The following PTGR2 variants were observed in gnomAD, a reference collection of about 807,000 sequenced individuals.
The protein encoded by PTGR2 is prostaglandin reductase 2, also known as 15-oxoprostaglandin 13-reductase.
Under a neutral mutation model 43.4 loss-of-function variants are expected in PTGR2, and 32 were observed. The ratio of observed to expected loss-of-function variants is 0.74; its 90% CI spans 0.56 to 0.99. The LOEUF (loss-of-function observed/expected upper bound fraction) is 0.99. PTGR2 is among the 50% of genes least tolerant of loss of function. PTGR2 has a pLI of 0.00. For missense variants in PTGR2, 373 were observed against 420.0 expected, an observed-to-expected ratio of 0.89 and a Z score of 0.98; for synonymous variants, 106 against 139.2, an observed-to-expected ratio of 0.76 and a Z score of 1.68.
chr14:73,858,674 ACT>A (rs1491075347), intron 1 of PTGR2, 140 bp from the exon 2 acceptor site: 3 of 423,316 alleles, frequency 7.1e-6, no homozygotes, highest in Admixed American at 3.7e-5. Flanking sequence ...TAGGAGGCAA[ACT>A]CTGACAGGCG....
intron 1 of PTGR2, chr14:73,858,299 A>G (rs1203133079): frequency 1.7e-5 from 2 of 119,368 alleles, no homozygotes; most frequent in African/African-American, 5.7e-5. Context: ...TCATGCCTGT[A>G]ATCCCAACAC....
rs1372978492 is a variant in PTGR2, at chr14:73,857,669, T to TTTTTTTTTG, written c.-47-1139_-47-1138insGTTTTTTTT. On this transcript the variant is annotated intron_variant, in intron 1 of 9. Transcript: ENST00000555661. ...ATGTCAATTAAGCAGTTAGTGTTTT[T>TTTTTTTTTG]TTTTTTTTTTTTTTTTTGAGACAGA... is the stretch of plus-strand genomic sequence containing the variant. Among the ~76,000 whole-genome samples, 8 of 114,160 alleles carry TTTTTTTTTG rather than the reference T, an allele frequency of 7.0e-5. 1 individual carries two copies. The highest frequency in any genetic ancestry group is 1.9e-4 in the African/African-American group (6 of 31,346). 74.9% of individuals were successfully genotyped at this position (114,160 alleles called of 152,430 possible).
rs1331137870 is a variant in PTGR2, at chr14:73,884,312, AG to A, written c.*138del. On this transcript the variant is annotated 3_prime_UTR_variant, in exon 10 of 10. Transcript: ENST00000555661. ...TCATAGGTGTTATTTTTAGTTGCATAGGGTATTTGATACAATCATTAATGGA... is the reference window on the plus strand; with the variant it reads ...TCATAGGTGTTATTTTTAGTTGCATAGGTATTTGATACAATCATTAATGGA... 3 of 582,958 alleles carry A rather than the reference AG, an allele frequency of 5.1e-6. No individual in the cohort carries two copies. Among genetic ancestry groups the A allele is most frequent in the Non-Finnish European group, 8.9e-6 (3 of 338,520 alleles). 36.1% of individuals were successfully genotyped at this position (582,958 alleles called of 1,614,324 possible). A position where few individuals can be genotyped will look rare whatever the true frequency, so the allele number is the denominator to read the frequency against.
chr14:73,857,664 G>T (rs76007397), intron 1 of PTGR2, among the ~76,000 whole-genome samples: 19 of 64,704 alleles, frequency 2.9e-4, no homozygotes, highest in Non-Finnish European at 3.2e-4. Context: ...AGCAGTTAGT[G>T]TTTTTTTTTT....
intron 1 of PTGR2, chr14:73,857,968 T>C (rs62005575): frequency 0.49 from 73,641 of 151,352 alleles, 18,181 homozygotes; most frequent in South Asian, 0.61. Flanking sequence ...CGCGCCCAGC[T>C]GCAGTTAGCG....
At chr14:73,881,401 CAAAAG>C (rs1229085822) in intron 8 of PTGR2, 109 bp downstream of exon 8, 2 of 657,376 alleles carry the variant, frequency 3.0e-6, no homozygotes, top group African/African-American at 3.6e-5. Context: ...AAAATTCCTA[CAAAAG>C]AAAAGTATGC....
At chr14:73,863,863 G>A (rs556681956) in intron 3 of PTGR2, among the ~76,000 whole-genome samples, 5 of 152,174 alleles carry the variant, frequency 3.3e-5, no homozygotes, top group African/African-American at 9.6e-5. Context: ...TGATCCACCC[G>A]CATCAGCCTC....
rs2055013983 is a variant in PTGR2 at position 73,882,523 on chromosome 14, CGG to C, written c.979+86_979+87del. The stretch of plus-strand genomic sequence containing the variant: ...TATTTTTATTTATTTATTTTTGAGA[CGG>C]AGTCTTGCTCTGTTGCCCAGGCTGG... On this transcript the variant is annotated intron_variant, in intron 9 of 9. Coordinates refer to ENST00000555661, the MANE Select transcript of PTGR2 (RefSeq NM_001146154.2). 5 of 1,011,270 alleles carry C rather than the reference CGG, an allele frequency of 4.9e-6. No individual in the cohort carries two copies. The Admixed American group carries it at 6.3e-5, about 13-fold the overall frequency. 62.6% of individuals were successfully genotyped at this position (1,011,270 alleles called of 1,614,324 possible).
chr14:73,871,036 TG>T (rs2054715085), intron 3 of PTGR2, among the ~76,000 whole-genome samples: 1 of 152,318 alleles, frequency 6.6e-6, no homozygotes, highest in Admixed American at 6.5e-5. Context: ...AGCCTCAGGA[TG>T]GGGGCTGGTT....
At chr14:73,875,660 G>T (rs1595366810) in intron 4 of PTGR2, among the ~76,000 whole-genome samples, 1 of 151,416 alleles carries the variant, frequency 6.6e-6, no homozygotes, top group African/African-American at 2.4e-5. Flanking sequence ...GATATTTATA[G>T]GTACATGTTT....
intron 5 of PTGR2, 90 bp from the exon 6 acceptor site, chr14:73,879,006 T>C (rs2054922293): frequency 6.7e-6 from 7 of 1,045,510 alleles, no homozygotes; most frequent in Non-Finnish European, 1.0e-5. Context: ...ATGAACACTG[T>C]CATATACCTG....
intron 3 of PTGR2, among the ~76,000 whole-genome samples, chr14:73,866,933 ACAAAAATTAG>A (rs1268083012): frequency 1.3e-5 from 2 of 151,846 alleles, no homozygotes. Flanking sequence ...TACTAAGAAT[ACAAAAATTAG>A]CCGGGTGTGG....
At chr14:73,860,685 GA>G in intron 3 of PTGR2, 28 bp downstream of exon 3, 1 of 1,017,574 alleles carries the variant, frequency 9.8e-7, no homozygotes, top group South Asian at 1.4e-5. Flanking sequence ...GTAACTTGGT[GA>G]AAAATAACTT....
rs555932640 is a variant in PTGR2 at position 73,866,303 on chromosome 14, C to A, written c.156+5646C>A. ...ACAGGCATGAGCTACTATGCCTGAA[C>A]AATTTTTTGTATTTTAGTAGAGACA... is the stretch of plus-strand genomic sequence containing the variant. On this transcript the variant is annotated intron_variant, in intron 3 of 9. Transcript: ENST00000555661. 3.9e-5 allele frequency among the ~76,000 whole-genome samples: 6 copies of A among 152,022 alleles called. No homozygotes were observed. The South Asian group carries it at 1.2e-3, about 32-fold the overall frequency.
At chr14:73,857,762 G>T (rs991377528) in intron 1 of PTGR2, among the ~76,000 whole-genome samples, 2 of 133,958 alleles carry the variant, frequency 1.5e-5, no homozygotes, top group South Asian at 2.6e-4. Flanking sequence ...TCCGCCTCCC[G>T]GGTCCACGCC....
At position 73,865,463 on chromosome 14, in the gene PTGR2, C is replaced by A. The variant is rs147061692; in HGVS notation, c.156+4806C>A. Among the ~76,000 whole-genome samples the A allele has an allele frequency of 4.0e-3, 608 of 152,346 alleles. 3 individuals are homozygous for A. Among genetic ancestry groups the A allele is most frequent in the Non-Finnish European group, 6.7e-3 (456 of 68,036 alleles). On this transcript the variant is annotated intron_variant, in intron 3 of 9. Coordinates refer to ENST00000555661, the MANE Select transcript of PTGR2 (RefSeq NM_001146154.2). ...GGGCAGATCTTCACCACATAGTCCA[C>A]AGACTCACCTGCTAGTTACCTCTGA... is the stretch of plus-strand genomic sequence containing the variant.
At chr14:73,882,298 CAA>C in intron 8 of PTGR2, 99 bp from the exon 9 acceptor site, 1 of 706,022 alleles carries the variant, frequency 1.4e-6, no homozygotes, top group Non-Finnish European at 2.4e-6. Flanking sequence ...TATTTTTAGA[CAA>C]AGTGCTAAAT....
chr14:73,876,483 C>CTTTTTTTTTTTCTT (rs2054867929), intron 4 of PTGR2, among the ~76,000 whole-genome samples: 1 of 108,566 alleles, frequency 9.2e-6, no homozygotes, highest in East Asian at 3.1e-4. Flanking sequence ...GACATAAGTC[C>CTTTTTTTTTTTCTT]TTTTTTTTTT....
rs149817453 is a variant in PTGR2 at position 73,863,269 on chromosome 14, C to T, written c.156+2612C>T. 1.7e-3 allele frequency among the ~76,000 whole-genome samples: 260 copies of T among 152,186 alleles called. 1 individual carries two copies. Among genetic ancestry groups the T allele is most frequent in the African/African-American group, 6.0e-3 (248 of 41,512 alleles). ...TTTTGTTCCTATAGATTTGCCTATT[C>T]TGGCCATTTCATATAAATAAAAACA... On this transcript the variant is annotated intron_variant, in intron 3 of 9. Transcript: ENST00000555661.
Sources: gnomAD v4.1 joint callset for allele counts (sites outside exome capture counted in the v4.1 genomes callset) on GRCh38, gnomAD v4.1.1 for gene constraint, MANE v1.5 for transcripts, NCBI Gene and HGNC (gene_info 2026-07-23, HGNC 2026-07-21) for gene names.